DST: variants seen among roughly 807,000 people sequenced by gnomAD.
The protein encoded by DST is dystonin.
Under a neutral mutation model 875.2 loss-of-function variants are expected in DST, and 253 were observed. The observed-to-expected ratio is 0.29, with a 90% CI of 0.26 to 0.32. The LOEUF (loss-of-function observed/expected upper bound fraction) is 0.32, where lower values mean the gene tolerates loss of function less well. DST is among the 10% of genes least tolerant of loss of function. DST has a pLI of 1.00. For synonymous variants in DST, 3,124 were observed against 3,197.1 expected (o/e 0.98, Z 0.77); for missense variants, 8,287 against 9,111.6 (o/e 0.91, Z 3.68).
At chr6:56,542,428 T>TAAAAAAAAAAAAAA (rs60688419) in intron 61 of DST, 3 of 68,088 alleles carry the variant, frequency 4.4e-5, no homozygotes, top group African/African-American at 1.3e-4. Flanking sequence ...TAAGCTTCTT[T>TAAAAAAAAAAAAAA]AAAAAAAAAA....
chr6:56,697,544 G>C (rs2099270753), intron 9 of DST, among the ~76,000 whole-genome samples: 1 of 152,186 alleles, frequency 6.6e-6, no homozygotes, highest in Non-Finnish European at 1.5e-5. Context: ...ACGGAAAAAG[G>C]AAAGTGATGA....
rs1411911457 is a variant in DST at position 56,555,502 on chromosome 6, C to A, written c.14979G>T (p.Met4993Ile). Residue 4993 changes from methionine (M) to isoleucine (I), a missense_variant, in exon 60 of 104, where the codon ATG becomes ATT. By Grantham distance (10) the Met-to-Ile change is conservative. Around this residue, in one of 10 missense-constraint regions of DST, gnomAD observed 1,513 missense variants for 1,677.8 expected, o/e 0.90. Transcript: ENST00000680361. ...TCTTTTCCTGCTGTATCTCCTGCTT[C>A]ATTTTTTGGGCTGTTTCCAACTGTT... ...MNQQLETAQK[M>I]KQEIQQEKKQ... 2 of 1,614,000 alleles carry A rather than the reference C, an allele frequency of 1.2e-6. No individual in the cohort carries two copies. Among genetic ancestry groups the A allele is most frequent in the Non-Finnish European group, 1.7e-6 (2 of 1,179,890 alleles).
chr6:56,730,259 C>T (rs1206579270), intron 5 of DST, among the ~76,000 whole-genome samples: 1 of 152,200 alleles, frequency 6.6e-6, no homozygotes, highest in Non-Finnish European at 1.5e-5. Context: ...CACAGTCTCT[C>T]ATGGCTCAAG....
Position 56,606,937 on chromosome 6 carries a change from C to T in DST, c.7691G>A (p.Gly2564Glu), listed in dbSNP as rs2098503575. 1.2e-6 allele frequency: 2 copies of T among 1,613,394 alleles called. No individual in the cohort carries two copies. Among genetic ancestry groups the T allele is most frequent in the African/African-American group, 1.3e-5 (1 of 74,972 alleles). Reference protein sequence around the residue: ...IEEYSCAVTPGGDTDNAIVSL... With the variant: ...IEEYSCAVTPEGDTDNAIVSL... ...CACAATGGCATTATCAGTATCACCC[C>T]CTGGAGTCACAGCACAGGAATACTC... is the stretch of plus-strand genomic sequence containing the variant. The change falls in exon 40 of 104, where the codon GGG becomes GAG. Residue 2564 changes from glycine to glutamate, a missense_variant. Physicochemically the swap from Gly to Glu is moderately conservative, Grantham distance 98. Coordinates refer to ENST00000680361, the MANE Select transcript of DST (RefSeq NM_001374736.1).
intron 10 of DST, among the ~76,000 whole-genome samples, chr6:56,668,463 C>G (rs1021546248): frequency 6.6e-6 from 1 of 152,076 alleles, no homozygotes; most frequent in African/African-American, 2.4e-5. Flanking sequence ...CTCACGCAGC[C>G]AAGCACGGTG....
chr6:56,499,107 A>G (rs1350232270), intron 80 of DST, among the ~76,000 whole-genome samples: 1 of 152,168 alleles, frequency 6.6e-6, no homozygotes, highest in Non-Finnish European at 1.5e-5. Context: ...TTTGGAAAGC[A>G]GAAGAAACCT....
intron 5 of DST, among the ~76,000 whole-genome samples, chr6:56,730,149 A>G (rs2099491527): frequency 6.6e-6 from 1 of 152,224 alleles, no homozygotes; most frequent in African/African-American, 2.4e-5. Context: ...TAAATTGCCA[A>G]TTAGATGGAT....
At chr6:56,651,396 T>C (rs529803574) in intron 10 of DST, among the ~76,000 whole-genome samples, 152 bp from the exon 11 acceptor site, 1 of 152,372 alleles carries the variant, frequency 6.6e-6, no homozygotes, top group Non-Finnish European at 1.5e-5. Context: ...CATTTAACAT[T>C]GCTCACTTAT....
At chr6:56,679,971 C>A (rs1435803517) in intron 9 of DST, among the ~76,000 whole-genome samples, 1 of 152,126 alleles carries the variant, frequency 6.6e-6, no homozygotes, top group Admixed American at 6.5e-5. Context: ...ATCCTTTCAC[C>A]TCCAACTTCC....
chr6:56,468,528 G>C (rs2094707469), intron 98 of DST, among the ~76,000 whole-genome samples: 1 of 152,120 alleles, frequency 6.6e-6, no homozygotes. Context: ...GTGCCAAGGA[G>C]ACCTCTTGGC....
At chr6:56,610,366 A>G in intron 39 of DST, 61 bp downstream of exon 39, 1 of 1,271,678 alleles carries the variant, frequency 7.9e-7, no homozygotes, top group Non-Finnish European at 1.1e-6. Flanking sequence ...ATAGATTTCC[A>G]GAGCCATGCA....
chr6:56,469,811 T>G, intron 97 of DST, 72 bp downstream of exon 97: 2 of 1,308,822 alleles, frequency 1.5e-6, no homozygotes, highest in Non-Finnish European at 2.2e-6. Flanking sequence ...TGGAAAACAA[T>G]GGAGATCAAA....
At chr6:56,588,571 G>C (rs2098209873) in intron 49 of DST, among the ~76,000 whole-genome samples, 1 of 152,178 alleles carries the variant, frequency 6.6e-6, no homozygotes, top group South Asian at 2.1e-4. Context: ...CTAGTGCCTA[G>C]ATCAGTGCTT....
At chr6:56,815,926 C>A (rs1591048186) in intron 4 of DST, among the ~76,000 whole-genome samples, 1 of 152,228 alleles carries the variant, frequency 6.6e-6, no homozygotes, top group East Asian at 1.9e-4. Context: ...AAGATGATTT[C>A]ATACAATTTG....
chr6:56,600,973 C>T (rs948959693), intron 44 of DST, among the ~76,000 whole-genome samples: 3 of 152,018 alleles, frequency 2.0e-5, no homozygotes, highest in African/African-American at 4.8e-5. Flanking sequence ...TATTTCCAAT[C>T]TACCAATGAT....
chr6:56,601,375 C>T (rs1469056329), intron 44 of DST, 68 bp downstream of exon 44: 1 of 1,025,802 alleles, frequency 9.7e-7, no homozygotes, highest in Non-Finnish European at 1.5e-6. Flanking sequence ...ACACTATACT[C>T]CTTGGGTATC....
chr6:56,616,308 G>A (rs751768419), intron 36 of DST: 4 of 1,613,674 alleles, frequency 2.5e-6, no homozygotes, highest in African/African-American at 2.7e-5. Context: ...TGAGAAGAAT[G>A]CCCATAGGAT....
At chr6:56,858,375 T>C (rs1769129324) in intron 3 of DST, among the ~76,000 whole-genome samples, 1 of 152,186 alleles carries the variant, frequency 6.6e-6, no homozygotes, top group African/African-American at 2.4e-5. Flanking sequence ...GTAATGATTG[T>C]ACACTGGTTA....
At position 56,608,340 on chromosome 6, in the gene DST, C is replaced by A; in HGVS notation, c.6288G>T (p.Leu2096Phe). ...GTCTGCCATTCAGGATTTTGTAGGC[C>A]AATTCATTTGTAATCAATTCTTGCT... ...SLQQELITNE[L>F]AYKILNGRQK... The change falls in exon 40 of 104, where the codon TTG becomes TTT. Residue 2096 changes from leucine (L) to phenylalanine (F), a missense_variant. By Grantham distance (22) the Leu-to-Phe change is conservative (BLOSUM62 0). This residue lies in a region of DST where 3,138 missense variants were observed against 3,116.6 expected (regional missense o/e 1.01). Transcript: ENST00000680361. 1.9e-6 allele frequency: 3 copies of A among 1,612,602 alleles called. No individual in the cohort carries two copies. The highest frequency in any genetic ancestry group is 2.5e-6 in the Non-Finnish European group (3 of 1,179,768).
Sources: allele counts gnomAD v4.1 joint callset (sites outside exome capture counted in the v4.1 genomes callset), GRCh38; gene constraint gnomAD v4.1.1; regional missense constraint gnomAD v4.1.1; transcripts MANE v1.5; gene names NCBI Gene and HGNC (gene_info 2026-07-23, HGNC 2026-07-21).